The following AGTPBP1 variants were observed in gnomAD, a reference collection of about 807,000 sequenced individuals.
AGTPBP1 encodes ATP/GTP binding carboxypeptidase 1, also known as cytosolic carboxypeptidase 1.
Under a neutral mutation model 143.9 loss-of-function variants are expected in AGTPBP1, and 70 were observed. That is an observed-to-expected ratio of 0.49 (90% CI 0.40 to 0.59). AGTPBP1 has a LOEUF of 0.59. AGTPBP1 is among the 20% of genes least tolerant of loss of function. The probability of loss-of-function intolerance (pLI) is 0.00; values close to 1 mark genes in which losing one functional copy is unlikely to be tolerated. For synonymous variants in AGTPBP1, 463 were observed against 500.2 expected (o/e 0.93, Z 0.99); for missense variants, 1,229 against 1,464.5 (o/e 0.84, Z 2.62).
the AGTPBP1 span, among the ~76,000 whole-genome samples, chr9:85,796,612 G>A: frequency 2.0e-5 from 3 of 151,726 alleles, no homozygotes; most frequent in Admixed American, 2.0e-4. Context: ...ACAGATGCTA[G>A]CTCTGCCACA....
chr9:85,598,720 T>G (rs760250450), intron 17 of AGTPBP1, among the ~76,000 whole-genome samples: 16 of 152,130 alleles, frequency 1.1e-4, no homozygotes, highest in Non-Finnish European at 1.9e-4. Context: ...TTATTATTTA[T>G]TATTATTATT....
At chr9:85,653,074 A>AAT (rs2133913862) in intron 11 of AGTPBP1, among the ~76,000 whole-genome samples, 1 of 152,266 alleles carries the variant, frequency 6.6e-6, no homozygotes, top group Non-Finnish European at 1.5e-5. Context: ...AAATAATAAT[A>AAT]AAGACTGTGA....
chr9:85,649,319 C>T (rs539570173), intron 11 of AGTPBP1, among the ~76,000 whole-genome samples: 111 of 152,282 alleles, frequency 7.3e-4, no homozygotes, highest in African/African-American at 2.6e-3. Context: ...TTTGTTGTTG[C>T]TATTGTGCCT....
At chr9:85,675,536 A>G (rs939115238) in intron 6 of AGTPBP1, among the ~76,000 whole-genome samples, 2 of 152,208 alleles carry the variant, frequency 1.3e-5, no homozygotes, top group African/African-American at 2.4e-5. Flanking sequence ...TTTTCAAAAC[A>G]TTCTCATCCA....
chr9:85,784,076 A>T, the AGTPBP1 span, among the ~76,000 whole-genome samples: 3 of 152,244 alleles, frequency 2.0e-5, no homozygotes, highest in African/African-American at 7.2e-5. Flanking sequence ...ATGTTTTCTA[A>T]CATGAGGATA....
intron 17 of AGTPBP1, among the ~76,000 whole-genome samples, chr9:85,610,777 C>A (rs1830266680): frequency 6.6e-6 from 1 of 152,134 alleles, no homozygotes; most frequent in Admixed American, 6.5e-5. Flanking sequence ...TGGTCATCAG[C>A]CCCCACCCTT....
chr9:85,566,488 C>T (rs948202354), intron 25 of AGTPBP1, among the ~76,000 whole-genome samples: 2 of 140,482 alleles, frequency 1.4e-5, no homozygotes, highest in African/African-American at 2.8e-5. Context: ...TATGATCATG[C>T]CACTGCATTC....
intron 1 of AGTPBP1, among the ~76,000 whole-genome samples, chr9:85,726,054 C>G (rs28429599): frequency 1.0e-5 from 1 of 96,858 alleles, no homozygotes; most frequent in East Asian, 4.3e-4. Context: ...AAGACTCCAT[C>G]TCAAAAAAAA....
At chr9:85,799,782 T>C in the AGTPBP1 span, among the ~76,000 whole-genome samples, 1 of 152,102 alleles carries the variant, frequency 6.6e-6, no homozygotes, top group Non-Finnish European at 1.5e-5. Flanking sequence ...CCTCCTAAAG[T>C]GTTGGGATTA....
At chr9:85,753,085 C>T in the AGTPBP1 span, among the ~76,000 whole-genome samples, 3 of 152,072 alleles carry the variant, frequency 2.0e-5, no homozygotes, top group South Asian at 6.2e-4. Flanking sequence ...CTGTCATCTA[C>T]TCATTTTCTC....
intron 17 of AGTPBP1, among the ~76,000 whole-genome samples, chr9:85,599,749 T>C (rs1212306242): frequency 5.3e-5 from 8 of 152,252 alleles, no homozygotes; most frequent in Non-Finnish European, 8.8e-5. Context: ...TTATAAACGC[T>C]GACATGCAGT....
chr9:85,636,294 G>A (rs887383495), intron 13 of AGTPBP1, among the ~76,000 whole-genome samples: 6 of 130,634 alleles, frequency 4.6e-5, no homozygotes, highest in African/African-American at 1.2e-4. Flanking sequence ...AGGGAGTCTC[G>A]CTCTGTCTCC....
chr9:85,658,009 T>C (rs1833636208), intron 9 of AGTPBP1, among the ~76,000 whole-genome samples: 1 of 152,184 alleles, frequency 6.6e-6, no homozygotes, highest in African/African-American at 2.4e-5. Flanking sequence ...ATAAGCTTTC[T>C]ACTTGCTAGT....
At chr9:85,741,670 G>C in intron 1 of AGTPBP1, 105 bp downstream of exon 1, 2 of 1,255,058 alleles carry the variant, frequency 1.6e-6, no homozygotes, top group Non-Finnish European at 1.0e-6. Context: ...CAGGGATCCG[G>C]GGTCGCCCCT....
At chr9:85,770,096 T>TATGTATACACAC in the AGTPBP1 span, among the ~76,000 whole-genome samples, 4 of 152,164 alleles carry the variant, frequency 2.6e-5, no homozygotes, top group Admixed American at 2.0e-4. Flanking sequence ...TGTGTATGTG[T>TATGTATACACAC]ATGTATACAC....
chr9:85,727,478 G>A (rs7030708), intron 1 of AGTPBP1, among the ~76,000 whole-genome samples: 41,812 of 152,116 alleles, frequency 0.27, 8,431 homozygotes, highest in East Asian at 0.77. Context: ...TCATTCAACA[G>A]TGTTTAAAGA....
chr9:85,553,229 G>GA (rs1211749730), intron 25 of AGTPBP1, among the ~76,000 whole-genome samples: 1 of 151,624 alleles, frequency 6.6e-6, no homozygotes, highest in African/African-American at 2.4e-5. Flanking sequence ...TGTCTATTTG[G>GA]AAAAAAAAGA....
chr9:85,629,006 C>G (rs1024550521), intron 14 of AGTPBP1, among the ~76,000 whole-genome samples: 7 of 152,296 alleles, frequency 4.6e-5, no homozygotes, highest in African/African-American at 1.7e-4. Context: ...TGAGCCACCA[C>G]GCCCAGCCAA....
chr9:85,698,551 C>A (rs1195420703), intron 2 of AGTPBP1, among the ~76,000 whole-genome samples: 2 of 151,842 alleles, frequency 1.3e-5, no homozygotes, highest in African/African-American at 4.8e-5. Context: ...TTTGGAAAAT[C>A]TGAGGGCGGT....
Sources: gnomAD v4.1 joint callset for allele counts (sites outside exome capture counted in the v4.1 genomes callset) on GRCh38, gnomAD v4.1.1 for gene constraint, MANE v1.5 for transcripts, NCBI Gene and HGNC (gene_info 2026-07-23, HGNC 2026-07-21) for gene names.